BICC1: variants seen among roughly 807,000 people sequenced by gnomAD.
BICC1 encodes the protein BicC family RNA binding protein 1.
In BICC1, 43 loss-of-function variants were observed where a neutral mutation model predicts 111.0. That is an observed-to-expected ratio of 0.39 (90% CI 0.30 to 0.50). The LOEUF (loss-of-function observed/expected upper bound fraction) is 0.50, where lower values mean the gene tolerates loss of function less well. Ranked by LOEUF, BICC1 falls within the 20% of genes least tolerant of loss-of-function variation. The pLI is 0.88. For missense variants in BICC1, 1,091 were observed against 1,203.2 expected, an observed-to-expected ratio of 0.91 and a Z score of 1.38; for synonymous variants, 467 against 434.4, an observed-to-expected ratio of 1.07 and a Z score of -0.93.
chr10:58,650,936 C>G (rs532256737), intron 2 of BICC1: 3 of 152,050 alleles, frequency 2.0e-5, no homozygotes, highest in Non-Finnish European at 4.4e-5. Flanking sequence ...TGAAAATTTA[C>G]AAGACATACA....
chr10:58,793,645 A>G, intron 9 of BICC1, 30 bp downstream of exon 9: 2 of 1,609,744 alleles, frequency 1.2e-6, no homozygotes, highest in Non-Finnish European at 1.7e-6. Context: ...CCAGAGAATT[A>G]TGTATCATAT....
chr10:58,534,496 C>A (rs1216947607), intron 1 of BICC1, among the ~76,000 whole-genome samples: 2 of 151,646 alleles, frequency 1.3e-5, no homozygotes, highest in East Asian at 1.9e-4. Flanking sequence ...ACAGAGTCTT[C>A]ACCACTGAAA....
intron 1 of BICC1, among the ~76,000 whole-genome samples, chr10:58,552,080 T>C (rs904821009): frequency 6.6e-6 from 1 of 151,762 alleles, no homozygotes; most frequent in African/African-American, 2.4e-5. Context: ...GGTAGCTTTT[T>C]GGAACTTTGT....
chr10:58,548,382 A>G (rs1195677058), intron 1 of BICC1, among the ~76,000 whole-genome samples: 1 of 152,188 alleles, frequency 6.6e-6, no homozygotes, highest in Non-Finnish European at 1.5e-5. Flanking sequence ...ACTTATTTGT[A>G]AGGATGCTCA....
intron 17 of BICC1, among the ~76,000 whole-genome samples, chr10:58,807,462 G>A (rs1843744821): frequency 6.6e-6 from 1 of 152,148 alleles, no homozygotes; most frequent in East Asian, 1.9e-4. Context: ...AAGCAAAAGG[G>A]AGATGTAATA....
At chr10:58,780,821 AAAT>A (rs1842863761) in intron 3 of BICC1, among the ~76,000 whole-genome samples, 1 of 152,176 alleles carries the variant, frequency 6.6e-6, no homozygotes, top group South Asian at 2.1e-4. Flanking sequence ...AAGGTAGAGA[AAAT>A]AAAATTTTAA....
chr10:58,731,618 T>A (rs1841297280), intron 3 of BICC1, among the ~76,000 whole-genome samples: 1 of 152,190 alleles, frequency 6.6e-6, no homozygotes, highest in African/African-American at 2.4e-5. Flanking sequence ...CTTGGCAGCA[T>A]CTGCCTCTGG....
chr10:58,765,050 G>T lies in BICC1; in HGVS notation c.308-19951G>T, dbSNP rs76537005. Among the ~76,000 whole-genome samples, 1,189 of 152,158 alleles carry T rather than the reference G, an allele frequency of 7.8e-3. 13 individuals are homozygous for T. Among genetic ancestry groups the T allele is most frequent in the African/African-American group, 0.027 (1,126 of 41,532 alleles). ...CTTAATAATTAGTTGCTGCAGTTTT[G>T]TAGGTAGTATGGGTTTTTTGTTTGT... On this transcript the variant is annotated intron_variant, in intron 3 of 20. Coordinates refer to ENST00000373886, the MANE Select transcript of BICC1 (RefSeq NM_001080512.3).
chr10:58,750,188 G>A (rs1375461014), intron 3 of BICC1, among the ~76,000 whole-genome samples: 2 of 152,150 alleles, frequency 1.3e-5, no homozygotes, highest in Non-Finnish European at 2.9e-5. Context: ...CACAGCAGGA[G>A]TAGAAAAATG....
rs79016163 is a variant in BICC1 at position 58,735,168 on chromosome 10, T to C, written c.307+33025T>C. Among the ~76,000 whole-genome samples the C allele has an allele frequency of 4.1e-4, 63 of 152,376 alleles. 1 individual carries two copies. The highest frequency in any genetic ancestry group is 1.5e-3 in the African/African-American group (62 of 41,592). On this transcript the variant is annotated intron_variant, in intron 3 of 20. Coordinates refer to ENST00000373886, the MANE Select transcript of BICC1 (RefSeq NM_001080512.3). Reference sequence around the variant, plus strand: ...AACAGTTTCTTCCACACATGTGTTATCTATGATGTGATAGACTGTTCTTTT... The same window carrying C: ...AACAGTTTCTTCCACACATGTGTTACCTATGATGTGATAGACTGTTCTTTT...
intron 1 of BICC1, among the ~76,000 whole-genome samples, chr10:58,601,152 ATATATATATATATATATATCT>A (rs1845019379): frequency 1.5e-5 from 2 of 135,996 alleles, no homozygotes; most frequent in African/African-American, 5.2e-5. Context: ...ATATATATAT[ATATATATATATATATATATCT>A]CCCAATAAAA....
At chr10:58,680,265 A>G (rs1839476097) in intron 2 of BICC1, among the ~76,000 whole-genome samples, 1 of 152,174 alleles carries the variant, frequency 6.6e-6, no homozygotes, top group Non-Finnish European at 1.5e-5. Flanking sequence ...ATGCCTGTAT[A>G]TGTTTGTATA....
chr10:58,540,005 A>T (rs1842920491), intron 1 of BICC1, among the ~76,000 whole-genome samples: 1 of 151,996 alleles, frequency 6.6e-6, no homozygotes, highest in South Asian at 2.1e-4. Flanking sequence ...TGTGGAAATT[A>T]AACAACACAC....
intron 2 of BICC1, 132 bp downstream of exon 2, chr10:58,621,033 ACT>A: frequency 3.1e-6 from 2 of 651,490 alleles, no homozygotes; most frequent in Non-Finnish European, 5.1e-6. Context: ...AGCTGGAAAC[ACT>A]CAGAGCTAGC....
At chr10:58,565,022 A>G (rs1843714136) in intron 1 of BICC1, among the ~76,000 whole-genome samples, 2 of 152,188 alleles carry the variant, frequency 1.3e-5, no homozygotes, top group Admixed American at 1.3e-4. Flanking sequence ...CCTAGCCATC[A>G]GAGAAACTTT....
At chr10:58,543,653 T>G (rs1247693865) in intron 1 of BICC1, among the ~76,000 whole-genome samples, 1 of 151,834 alleles carries the variant, frequency 6.6e-6, no homozygotes, top group Non-Finnish European at 1.5e-5. Context: ...AGGACTATGG[T>G]TATGTGCCAC....
rs141637941 is a variant in BICC1, at chr10:58,813,886, C to T, written c.2433C>T (p.Ser811=). Residue 811 remains serine, a synonymous_variant, in exon 18 of 21, where the codon AGC becomes AGT. Coordinates refer to ENST00000373886, the MANE Select transcript of BICC1 (RefSeq NM_001080512.3). ...SNSREHLGGG[S]ESDNWRDRNG... The stretch of plus-strand genomic sequence containing the variant: ...GTCGTGAGCACTTGGGAGGTGGAAG[C>T]GAATCTGATAACTGGAGAGACCGAA... 41 of 1,613,920 alleles carry T rather than the reference C, an allele frequency of 2.5e-5. No individual in the cohort carries two copies. The African/African-American group carries it at 3.6e-4, about 14-fold the overall frequency.
chr10:58,556,149 T>C (rs1220577451), intron 1 of BICC1, among the ~76,000 whole-genome samples: 1 of 152,080 alleles, frequency 6.6e-6, no homozygotes, highest in African/African-American at 2.4e-5. Flanking sequence ...AGGTTGAGTT[T>C]AAAATGCTAG....
intron 11 of BICC1, among the ~76,000 whole-genome samples, chr10:58,798,763 C>G (rs1843440692): frequency 6.6e-6 from 1 of 151,984 alleles, no homozygotes; most frequent in Admixed American, 6.6e-5. Flanking sequence ...ACTGAAATAC[C>G]ATCTTCAAAT....
Sources: allele counts gnomAD v4.1 joint callset (sites outside exome capture counted in the v4.1 genomes callset), GRCh38; gene constraint gnomAD v4.1.1; transcripts MANE v1.5; gene names NCBI Gene and HGNC (gene_info 2026-07-23, HGNC 2026-07-21).